Variants in BRINP3 observed in about 807,000 individuals in gnomAD.
The protein encoded by BRINP3 is BMP/retinoic acid inducible neural specific 3.
Under a neutral mutation model 71.0 loss-of-function variants are expected in BRINP3, and 19 were observed. That is an observed-to-expected ratio of 0.27 (90% CI 0.19 to 0.39). The LOEUF (loss-of-function observed/expected upper bound fraction) is 0.39, where lower values mean the gene tolerates loss of function less well. Ranked by LOEUF, BRINP3 falls within the 10% of genes least tolerant of loss-of-function variation. BRINP3 has a pLI of 1.00. For missense variants in BRINP3, 959 were observed against 940.8 expected (o/e 1.02, Z -0.25); for synonymous variants, 380 against 337.7 (o/e 1.13, Z -1.37).
intron 4 of BRINP3, among the ~76,000 whole-genome samples, chr1:190,245,761 C>T (rs756972318): frequency 9.9e-5 from 11 of 111,046 alleles, no homozygotes; most frequent in Non-Finnish European, 1.9e-4. Flanking sequence ...CCTCCCCCCA[C>T]CCCACAACAG....
intron 2 of BRINP3, chr1:190,362,214 T>C (rs898862148): frequency 6.6e-6 from 1 of 152,160 alleles, no homozygotes; most frequent in Non-Finnish European, 1.5e-5. Flanking sequence ...CCACCTAGTC[T>C]GTCACATTTT....
At chr1:190,176,499 C>A (rs1380801906) in intron 6 of BRINP3, among the ~76,000 whole-genome samples, 1 of 152,134 alleles carries the variant, frequency 6.6e-6, no homozygotes, top group Non-Finnish European at 1.5e-5. Context: ...GTGACAGGTA[C>A]ATGAAAAGTA....
intron 2 of BRINP3, among the ~76,000 whole-genome samples, chr1:190,339,937 G>A (rs921824206): frequency 3.3e-5 from 5 of 151,824 alleles, no homozygotes; most frequent in Non-Finnish European, 7.4e-5. Flanking sequence ...TTTTCAACTA[G>A]GCTTCTATGT....
At chr1:190,177,263 C>T (rs935197807) in intron 6 of BRINP3, among the ~76,000 whole-genome samples, 3 of 144,046 alleles carry the variant, frequency 2.1e-5, no homozygotes, top group African/African-American at 7.7e-5. Context: ...CCCAGATTTA[C>T]GCCATTCTCC....
intron 6 of BRINP3, among the ~76,000 whole-genome samples, chr1:190,206,952 C>A (rs1366633432): frequency 2.7e-5 from 4 of 147,392 alleles, no homozygotes; most frequent in Non-Finnish European, 4.5e-5. Context: ...CAGCACAAGA[C>A]AATATCATGT....
chr1:190,210,500 T>A (rs1405558429), intron 6 of BRINP3, among the ~76,000 whole-genome samples: 1 of 152,026 alleles, frequency 6.6e-6, no homozygotes, highest in Non-Finnish European at 1.5e-5. Context: ...ATGAAAACAA[T>A]CCTTTACAAT....
intron 2 of BRINP3, among the ~76,000 whole-genome samples, chr1:190,418,197 GC>G (rs1230515967): frequency 6.6e-6 from 1 of 151,720 alleles, no homozygotes; most frequent in Admixed American, 6.6e-5. Context: ...AGAATATTTA[GC>G]CCCCCACCAT....
chr1:190,333,065 T>A (rs1667068464), intron 2 of BRINP3, among the ~76,000 whole-genome samples: 1 of 152,000 alleles, frequency 6.6e-6, no homozygotes, highest in Non-Finnish European at 1.5e-5. Context: ...TTGATAATAG[T>A]AACAAGTACT....
At chr1:190,361,739 G>A (rs1669161215) in intron 2 of BRINP3, among the ~76,000 whole-genome samples, 1 of 152,110 alleles carries the variant, frequency 6.6e-6, no homozygotes, top group Non-Finnish European at 1.5e-5. Flanking sequence ...TCTGAATACA[G>A]TCAATAATAT....
chr1:190,203,863 G>T (rs1264491925), intron 6 of BRINP3, among the ~76,000 whole-genome samples: 2 of 130,164 alleles, frequency 1.5e-5, no homozygotes, highest in Non-Finnish European at 3.2e-5. Flanking sequence ...TGTTATTATT[G>T]CATCTTTTGA....
intron 7 of BRINP3, among the ~76,000 whole-genome samples, chr1:190,149,267 G>A (rs964151693): frequency 6.6e-6 from 1 of 152,090 alleles, no homozygotes; most frequent in African/African-American, 2.4e-5. Flanking sequence ...AAGAGATATT[G>A]GTGGATTCCA....
At chr1:190,129,423 A>G (rs961584617) in intron 7 of BRINP3, among the ~76,000 whole-genome samples, 1 of 151,882 alleles carries the variant, frequency 6.6e-6, no homozygotes, top group Non-Finnish European at 1.5e-5. Flanking sequence ...TTGAATTATA[A>G]TTTCAGTTTG....
chr1:190,305,145 C>T (rs1422691387), intron 2 of BRINP3, among the ~76,000 whole-genome samples: 1 of 151,746 alleles, frequency 6.6e-6, no homozygotes, highest in Admixed American at 6.6e-5. Context: ...GAAAAGGGAA[C>T]CCTTATATAC....
At chr1:190,318,108 G>C (rs989498748) in intron 2 of BRINP3, among the ~76,000 whole-genome samples, 2 of 151,886 alleles carry the variant, frequency 1.3e-5, no homozygotes. Flanking sequence ...ACAAGGAAAG[G>C]TATGCTCAAA....
intron 2 of BRINP3, among the ~76,000 whole-genome samples, chr1:190,298,113 G>A (rs952001644): frequency 3.9e-5 from 6 of 151,920 alleles, no homozygotes; most frequent in African/African-American, 1.4e-4. Flanking sequence ...TCAAATATAA[G>A]TGTATAGAGT....
intron 6 of BRINP3, among the ~76,000 whole-genome samples, chr1:190,164,441 T>A (rs1329003675): frequency 6.6e-6 from 1 of 152,138 alleles, no homozygotes; most frequent in Non-Finnish European, 1.5e-5. Flanking sequence ...AGGAAACTTG[T>A]GCTTGCTTTT....
chr1:190,357,886 C>A (rs986949908), intron 2 of BRINP3, among the ~76,000 whole-genome samples: 2 of 151,870 alleles, frequency 1.3e-5, no homozygotes, highest in East Asian at 1.9e-4. Context: ...CTTTGACAAA[C>A]CTGACAAAAA....
At chr1:190,240,705 T>C (rs771620587) in intron 4 of BRINP3, among the ~76,000 whole-genome samples, 19 of 151,738 alleles carry the variant, frequency 1.3e-4, no homozygotes, top group Non-Finnish European at 2.5e-4. Flanking sequence ...ACTCTGTCTC[T>C]ACTAAAAATA....
intron 6 of BRINP3, among the ~76,000 whole-genome samples, chr1:190,207,946 A>T (rs1655656150): frequency 6.6e-6 from 1 of 151,950 alleles, no homozygotes; most frequent in Admixed American, 6.6e-5. Context: ...TGTAATACAT[A>T]TTGTGTAATA....
Sources: allele counts gnomAD v4.1 joint callset (sites outside exome capture counted in the v4.1 genomes callset), GRCh38; gene constraint gnomAD v4.1.1; transcripts MANE v1.5; gene names NCBI Gene and HGNC (gene_info 2026-07-23, HGNC 2026-07-21).